KCTD10: variants seen among roughly 807,000 people sequenced by gnomAD.
KCTD10 encodes potassium channel tetramerization domain containing 10, also known as BTB/POZ domain-containing adapter for CUL3-mediated RhoA degradation protein 3.
In KCTD10, 13 loss-of-function variants were observed where a neutral mutation model predicts 34.6. The observed-to-expected ratio is 0.38, with a 90% CI of 0.24 to 0.60. The LOEUF (loss-of-function observed/expected upper bound fraction) is 0.60. Ranked by LOEUF, KCTD10 falls within the 20% of genes least tolerant of loss-of-function variation. The pLI, the probability that KCTD10 is intolerant of heterozygous loss-of-function variation, is 0.66. For synonymous variants in KCTD10, 156 were observed against 168.8 expected (o/e 0.92, Z 0.59); for missense variants, 256 against 420.3 (o/e 0.61, Z 3.42).
At chr12:109,470,054 C>A in intron 1 of KCTD10, 1 of 1,144,712 alleles carries the variant, frequency 8.7e-7, no homozygotes, top group South Asian at 2.6e-5. Flanking sequence ...CCTGTCGACC[C>A]TGCAGGCACA....
chr12:109,469,893 T>C (rs1873802144), intron 1 of KCTD10, 165 bp from the exon 2 acceptor site: 2 of 1,386,262 alleles, frequency 1.4e-6, no homozygotes, highest in South Asian at 3.0e-5. Context: ...CAGAAAAATC[T>C]GGACTTCTGG....
At chr12:109,462,655 C>A (rs1566055652) in intron 2 of KCTD10, among the ~76,000 whole-genome samples, 2 of 152,176 alleles carry the variant, frequency 1.3e-5, no homozygotes, top group African/African-American at 2.4e-5. Context: ...CTGCCCTGCC[C>A]CCAAGAGAGG....
chr12:109,451,864 C>A lies in KCTD10; in HGVS notation c.724-51G>T. ...GGTAAGTTATGGCCCACCCCCTCTGCCAACACCTGGACTTTAAGCAGGGCC... is the reference window on the plus strand; with the variant it reads ...GGTAAGTTATGGCCCACCCCCTCTGACAACACCTGGACTTTAAGCAGGGCC... On this transcript the variant is annotated intron_variant, in intron 6 of 6. Coordinates refer to ENST00000228495, the MANE Select transcript of KCTD10 (RefSeq NM_031954.5). This position sits in a 1 kb window ranked among gnomAD's most constrained non-coding sequence, Gnocchi z 5.0. 6.6e-7 allele frequency: 1 copy of A among 1,505,364 alleles called. No individual in the cohort carries two copies. The highest frequency in any genetic ancestry group is 9.0e-7 in the Non-Finnish European group (1 of 1,109,978). The allele number at this position is 1,505,364 out of a possible 1,614,324, so 93.3% of individuals were successfully genotyped here.
intron 3 of KCTD10, chr12:109,459,141 C>A (rs1249542844): frequency 1.3e-5 from 2 of 152,022 alleles, no homozygotes; most frequent in South Asian, 4.2e-4. Flanking sequence ...AAGATGAGCA[C>A]GCTGTGGAAA....
At position 109,460,105 on chromosome 12, in the gene KCTD10, G is replaced by A. The variant is rs1353485282; in HGVS notation, c.387+531C>T. 1.3e-5 allele frequency among the ~76,000 whole-genome samples: 2 copies of A among 152,202 alleles called. No homozygotes were observed. Among genetic ancestry groups the A allele is most frequent in the Non-Finnish European group, 2.9e-5 (2 of 68,036 alleles). On this transcript the variant is annotated intron_variant, in intron 3 of 6. Transcript: ENST00000228495. The surrounding 1 kb of genome is among the most constrained non-coding windows in gnomAD (Gnocchi z 4.5). Reference sequence around the variant, plus strand: ...TCATGCACACAGACCAGATTCCTACGAAAACCCAAAGGGATGCTTCTGATG... The same window carrying A: ...TCATGCACACAGACCAGATTCCTACAAAAACCCAAAGGGATGCTTCTGATG...
intron 6 of KCTD10, among the ~76,000 whole-genome samples, chr12:109,452,032 C>A (rs1872798382): frequency 6.6e-6 from 1 of 152,202 alleles, no homozygotes; most frequent in Non-Finnish European, 1.5e-5. Flanking sequence ...GGTCTCCCTG[C>A]CCCTAGTTTC....
At chr12:109,465,540 C>T (rs1483616909) in intron 2 of KCTD10, among the ~76,000 whole-genome samples, 4 of 152,252 alleles carry the variant, frequency 2.6e-5, no homozygotes, top group African/African-American at 9.6e-5. Flanking sequence ...CAGGTGACTC[C>T]CTCTGTAGCC....
At chr12:109,463,051 A>G (rs1873417040) in intron 2 of KCTD10, among the ~76,000 whole-genome samples, 1 of 152,134 alleles carries the variant, frequency 6.6e-6, no homozygotes, top group African/African-American at 2.4e-5. Context: ...GCCATTCCCA[A>G]GCAGAGGCAG....
rs758053864 is a variant in KCTD10 at position 109,469,624 on chromosome 12, C to G, written c.108G>C (p.Leu36=). The G allele has an allele frequency of 1.2e-6, 2 of 1,614,230 alleles. No homozygotes were observed. Residue 36 remains leucine, a synonymous_variant, in exon 2 of 7, where the codon CTG becomes CTC. Transcript: ENST00000228495. ...GTSPSSKYVK[L]NVGGALYYTT... ...TATAGTAGAGGGCTCCACCCACATT[C>G]AGCTTCACGTATTTGGAGCTGGGGC...
intron 2 of KCTD10, among the ~76,000 whole-genome samples, chr12:109,461,831 C>T (rs1873344348): frequency 6.6e-6 from 1 of 152,204 alleles, no homozygotes; most frequent in Admixed American, 6.5e-5. Context: ...AAGGGGCGTC[C>T]CCACGGCTCC....
Position 109,451,802 on chromosome 12 carries a change from G to C in KCTD10, c.735C>G (p.Pro245=), listed in dbSNP as rs751097809. The change falls in exon 7 of 7, where the codon CCC becomes CCG. Residue 245 remains proline (P), a synonymous_variant. Transcript: ENST00000228495. The surrounding 1 kb of genome is among the most constrained non-coding windows in gnomAD (Gnocchi z 5.0). ...GGGTCTCCTCATAAATCCGGGCTTC[G>C]GGAAACTCCACCTGTGTTCCCACAG... ...TEKKQTKVEF[P]EARIYEETLN... The C allele has an allele frequency of 1.2e-6, 2 of 1,613,228 alleles. No homozygotes were observed. The highest frequency in any genetic ancestry group is 1.3e-5 in the African/African-American group (1 of 74,918).
At chr12:109,455,416 T>C (rs1872967071) in intron 6 of KCTD10, 1 of 152,140 alleles carries the variant, frequency 6.6e-6, no homozygotes, top group Non-Finnish European at 1.5e-5. Flanking sequence ...GACTCTGGTT[T>C]CTACTTTGTG....
At chr12:109,475,475 T>C (rs979994338) in intron 1 of KCTD10, among the ~76,000 whole-genome samples, 6 of 152,068 alleles carry the variant, frequency 3.9e-5, no homozygotes, top group African/African-American at 7.2e-5. Context: ...CAAGACCCTG[T>C]CTCCAAAAAA....
chr12:109,451,481 G>T lies in KCTD10; in HGVS notation c.*114C>A. 1 of 989,160 alleles carries T rather than the reference G, an allele frequency of 1.0e-6. No homozygotes were observed. Among genetic ancestry groups the T allele is most frequent in the Non-Finnish European group, 1.5e-6 (1 of 675,582 alleles). The allele number at this position is 989,160 out of a possible 1,614,324, so 61.3% of individuals were successfully genotyped here. ...AATAATCATCTGGCTTGTTACAAAA[G>T]TATCTCCAGGCTCCAAGGGAAGCAG... On this transcript the variant is annotated 3_prime_UTR_variant, in exon 7 of 7. Transcript: ENST00000228495. The surrounding 1 kb of genome is among the most constrained non-coding windows in gnomAD (Gnocchi z 5.0).
At position 109,451,204 on chromosome 12, in the gene KCTD10, CTG is replaced by C. The variant is rs1872749822; in HGVS notation, c.*389_*390del. The C allele has an allele frequency of 1.2e-5, 2 of 164,868 alleles. No individual in the cohort carries two copies. The highest frequency in any genetic ancestry group is 1.8e-4 in the East Asian group (1 of 5,700). The allele number at this position is 164,868 out of a possible 1,614,324, so 10.2% of individuals were successfully genotyped here. The stretch of plus-strand genomic sequence containing the variant: ...CAGGACAACTCTCAGAATTGTCAAA[CTG>C]AACCCTTAAGGGAGTGTCACCCAAA... On this transcript the variant is annotated 3_prime_UTR_variant, in exon 7 of 7. Coordinates refer to ENST00000228495, the MANE Select transcript of KCTD10 (RefSeq NM_031954.5). This position sits in a 1 kb window ranked among gnomAD's most constrained non-coding sequence, Gnocchi z 5.0.
chr12:109,456,429 C>A (rs1190389519), intron 5 of KCTD10, 116 bp from the exon 6 acceptor site: 3 of 827,130 alleles, frequency 3.6e-6, no homozygotes, highest in Non-Finnish European at 6.1e-6. Context: ...CTCATTTCAA[C>A]CTCACAATAA....
intron 1 of KCTD10, among the ~76,000 whole-genome samples, chr12:109,475,088 T>G (rs996846093): frequency 2.0e-5 from 3 of 152,204 alleles, no homozygotes; most frequent in Non-Finnish European, 4.4e-5. Flanking sequence ...ATTTGGCACC[T>G]AGTCCTTTGT....
At chr12:109,455,022 AG>A (rs1481416930) in intron 6 of KCTD10, among the ~76,000 whole-genome samples, 1 of 152,082 alleles carries the variant, frequency 6.6e-6, no homozygotes, top group East Asian at 1.9e-4. Flanking sequence ...GTCTAATTAC[AG>A]GAAGAATTCA....
intron 1 of KCTD10, among the ~76,000 whole-genome samples, chr12:109,473,661 G>C (rs1566060096): frequency 2.6e-5 from 4 of 152,094 alleles, no homozygotes; most frequent in Non-Finnish European, 5.9e-5. Context: ...AGTTTTGGCA[G>C]CATTCGTGTC....
Sources: gnomAD v4.1 joint callset for allele counts (sites outside exome capture counted in the v4.1 genomes callset) on GRCh38, gnomAD v4.1.1 for gene constraint, Gnocchi (gnomAD v3.1) non-coding constraint, MANE v1.5 for transcripts, NCBI Gene and HGNC (gene_info 2026-07-23, HGNC 2026-07-21) for gene names.